Variants in TRIQK observed in about 807,000 individuals in gnomAD.
The protein encoded by TRIQK is triple QxxK/R motif containing.
In TRIQK, 10 loss-of-function variants were observed where a neutral mutation model predicts 10.8. The ratio of observed to expected loss-of-function variants is 0.92; its 90% CI spans 0.57 to 1.57. The LOEUF (loss-of-function observed/expected upper bound fraction) is 1.57, where lower values mean the gene tolerates loss of function less well. Among genes scored for constraint, TRIQK ranks in the 40% most tolerant of loss-of-function variants. The pLI, the probability that TRIQK is intolerant of heterozygous loss-of-function variation, is 0.00. For synonymous variants in TRIQK, 33 were observed against 33.7 expected (o/e 0.98, Z 0.07); for missense variants, 107 against 97.7 (o/e 1.09, Z -0.40).
chr8:92,932,072 G>A (rs1004623893), intron 2 of TRIQK, among the ~76,000 whole-genome samples: 4 of 152,108 alleles, frequency 2.6e-5, no homozygotes, highest in African/African-American at 9.7e-5. Context: ...ACTTCAAGCC[G>A]TCAGCTTCCA....
At chr8:92,986,780 T>C (rs1813038220) in intron 1 of TRIQK, among the ~76,000 whole-genome samples, 1 of 152,168 alleles carries the variant, frequency 6.6e-6, no homozygotes, top group South Asian at 2.1e-4. Flanking sequence ...CAATGATTCA[T>C]TCCCAAATAC....
chr8:92,913,503 G>C (rs577733180), intron 3 of TRIQK, among the ~76,000 whole-genome samples: 1 of 152,052 alleles, frequency 6.6e-6, no homozygotes, highest in Non-Finnish European at 1.5e-5. Context: ...AAATAGGAAC[G>C]CTTTTACACT....
At chr8:92,900,457 T>C (rs1003825994) in intron 3 of TRIQK, among the ~76,000 whole-genome samples, 2 of 152,180 alleles carry the variant, frequency 1.3e-5, no homozygotes, top group South Asian at 2.1e-4. Context: ...CTTCTGAATA[T>C]AGATATCCAG....
At chr8:92,913,154 A>G (rs1171056860) in intron 3 of TRIQK, among the ~76,000 whole-genome samples, 1 of 152,200 alleles carries the variant, frequency 6.6e-6, no homozygotes, top group African/African-American at 2.4e-5. Context: ...GGTTCAACAC[A>G]TGAAAATCAA....
intron 1 of TRIQK, among the ~76,000 whole-genome samples, chr8:92,972,023 C>A (rs1946156677): frequency 6.6e-6 from 1 of 151,746 alleles, no homozygotes; most frequent in African/African-American, 2.4e-5. Flanking sequence ...CAATGTTGAC[C>A]TTTTTATCTC....
chr8:92,916,178 G>A (rs1462897677), intron 3 of TRIQK, among the ~76,000 whole-genome samples: 1 of 152,160 alleles, frequency 6.6e-6, no homozygotes, highest in African/African-American at 2.4e-5. Flanking sequence ...ATAGGATATT[G>A]ATTGTTTATA....
chr8:92,928,321 C>T (rs145542005), intron 2 of TRIQK, among the ~76,000 whole-genome samples: 1 of 152,250 alleles, frequency 6.6e-6, no homozygotes, highest in African/African-American at 2.4e-5. Context: ...GTCCCCATCC[C>T]TCCAGGAAAG....
intron 3 of TRIQK, among the ~76,000 whole-genome samples, chr8:92,908,950 T>C (rs1790660899): frequency 6.6e-6 from 1 of 151,978 alleles, no homozygotes; most frequent in African/African-American, 2.4e-5. Flanking sequence ...CAAAAAGCAA[T>C]ATACTACTTG....
At chr8:92,914,833 A>G (rs948027549) in intron 3 of TRIQK, among the ~76,000 whole-genome samples, 2 of 152,146 alleles carry the variant, frequency 1.3e-5, no homozygotes, top group African/African-American at 4.8e-5. Context: ...AATCAGAAAT[A>G]TAACTACTAT....
intron 4 of TRIQK, among the ~76,000 whole-genome samples, chr8:92,888,005 A>G (rs915882087): frequency 1.3e-5 from 2 of 151,706 alleles, no homozygotes; most frequent in African/African-American, 4.8e-5. Flanking sequence ...TCTTTGTTGC[A>G]GTAGAAACAC....
intron 1 of TRIQK, among the ~76,000 whole-genome samples, chr8:92,992,367 C>G (rs1334221436): frequency 6.6e-6 from 1 of 152,148 alleles, no homozygotes; most frequent in African/African-American, 2.4e-5. Context: ...CCTGCCTCTA[C>G]CGGGAGCCTT....
intron 2 of TRIQK, among the ~76,000 whole-genome samples, chr8:92,933,004 C>T (rs1470518125): frequency 1.3e-5 from 2 of 152,084 alleles, no homozygotes; most frequent in African/African-American, 4.8e-5. Flanking sequence ...TAAGGGCCCA[C>T]TTCCCCTTTA....
intron 1 of TRIQK, among the ~76,000 whole-genome samples, chr8:92,957,414 T>A (rs1812229823): frequency 6.6e-6 from 1 of 151,670 alleles, no homozygotes; most frequent in Admixed American, 6.6e-5. Context: ...TGAAAATGTG[T>A]CAAATATAAA....
intron 1 of TRIQK, among the ~76,000 whole-genome samples, chr8:92,997,275 G>A (rs1563674965): frequency 6.6e-6 from 1 of 151,998 alleles, no homozygotes; most frequent in Admixed American, 6.6e-5. Context: ...TAGGAACAAG[G>A]AAATAAGTAC....
intron 3 of TRIQK, among the ~76,000 whole-genome samples, chr8:92,908,376 A>T (rs1231785068): frequency 6.6e-6 from 1 of 152,120 alleles, no homozygotes; most frequent in Admixed American, 6.5e-5. Flanking sequence ...ATACTGCATA[A>T]GCTGCTTATG....
In TRIQK at chr8:92,895,025, G is replaced by C. The variant is rs116065422; in HGVS notation, c.62-2951C>G. Among the ~76,000 whole-genome samples, 1,171 of 152,314 alleles carry C rather than the reference G, an allele frequency of 7.7e-3. 21 individuals are homozygous for C. The highest frequency in any genetic ancestry group is 0.027 in the African/African-American group (1,121 of 41,568). On this transcript the variant is annotated intron_variant, in intron 3 of 4. Transcript: ENST00000521988. ...TTGAGAGGTGGGATCTGTAAGAGGA[G>C]AGTGGATCATAAGGACTCTGCCCTC... is the stretch of plus-strand genomic sequence containing the variant.
At chr8:92,985,658 A>G (rs1365547156) in intron 1 of TRIQK, among the ~76,000 whole-genome samples, 1 of 152,204 alleles carries the variant, frequency 6.6e-6, no homozygotes, top group South Asian at 2.1e-4. Flanking sequence ...CCAGGTTGTC[A>G]TAAAACCTCT....
chr8:92,950,773 A>G (rs1274651783), intron 2 of TRIQK, among the ~76,000 whole-genome samples: 1 of 152,174 alleles, frequency 6.6e-6, no homozygotes, highest in Non-Finnish European at 1.5e-5. Flanking sequence ...ATTTTAGAAA[A>G]GCCCTTATAG....
At chr8:92,936,509 A>G (rs1810996373) in intron 2 of TRIQK, among the ~76,000 whole-genome samples, 1 of 151,676 alleles carries the variant, frequency 6.6e-6, no homozygotes, top group South Asian at 2.1e-4. Context: ...TTTAGTATAT[A>G]GAAATAGAAA....
Sources: allele counts gnomAD v4.1 joint callset (sites outside exome capture counted in the v4.1 genomes callset), GRCh38; gene constraint gnomAD v4.1.1; transcripts MANE v1.5; gene names NCBI Gene and HGNC (gene_info 2026-07-23, HGNC 2026-07-21).